CELSR2: variants seen among roughly 807,000 people sequenced by gnomAD.
The protein encoded by CELSR2 is cadherin EGF LAG seven-pass G-type receptor 2, also known as EGF-like protein 2.
A neutral mutation model predicts 251.6 loss-of-function variants in CELSR2; 81 were observed. The ratio of observed to expected loss-of-function variants is 0.32; its 90% CI spans 0.27 to 0.39. The LOEUF (loss-of-function observed/expected upper bound fraction) is 0.39. Ranked by LOEUF, CELSR2 falls within the 10% of genes least tolerant of loss-of-function variation. CELSR2 has a pLI of 1.00. For synonymous variants in CELSR2, 1,721 were observed against 1,670.5 expected (o/e 1.03, Z -0.74); for missense variants, 3,365 against 3,947.7 (o/e 0.85, Z 3.96).
Position 109,271,057 on chromosome 1 carries a change from G to T in CELSR2, c.7596+18G>T, listed in dbSNP as rs770153879. On this transcript the variant is annotated intron_variant, in intron 25 of 33. Transcript: ENST00000271332. ...CCGTCTCGGTGAGTGCTAGCAGGTG[G>T]GTTGGGTGTCACCTGTGGCCCTCCT... 3 of 1,595,836 alleles carry T rather than the reference G, an allele frequency of 1.9e-6. No individual in the cohort carries two copies. The highest frequency in any genetic ancestry group is 1.1e-5 in the South Asian group (1 of 90,694).
intron 17 of CELSR2, 67 bp from the exon 18 acceptor site, chr1:109,268,514 G>T (rs571952947): frequency 1.3e-6 from 2 of 1,522,080 alleles, no homozygotes; most frequent in East Asian, 4.7e-5. Flanking sequence ...GGCACAGGCC[G>T]GGGCTCCATG....
rs2101234032 is a variant in CELSR2, at chr1:109,252,743, C to G, written c.2664C>G (p.Val888=). 1 of 1,614,044 alleles carries G rather than the reference C, an allele frequency of 6.2e-7. No homozygotes were observed. The highest frequency in any genetic ancestry group is 8.5e-7 in the Non-Finnish European group (1 of 1,180,038). The change falls in exon 1 of 34, where the codon GTC becomes GTG. Residue 888 remains valine, a synonymous_variant. Transcript: ENST00000271332. The surrounding 1 kb of genome is among the most constrained non-coding windows in gnomAD (Gnocchi z 4.8). ...ATCGAGAGAACGTGGCCCAGTATGT[C>G]TTGCGGGCATATGCAGTGGACAAGG... ...RLDRENVAQY[V]LRAYAVDKGM... is the part of the protein sequence containing the mutation.
Position 109,269,434 on chromosome 1 carries a change from C to T in CELSR2, c.6823C>T (p.Arg2275Cys), listed in dbSNP as rs559629318. ...ACTGCCCCACATCAGAGTCCCCAAACGCCCGATCATCAACACACCCGTGGT... is the reference window on the plus strand; with the variant it reads ...ACTGCCCCACATCAGAGTCCCCAAATGCCCGATCATCAACACACCCGTGGT... ...PDKRSLRVPK[R>C]PIINTPVVSI... Residue 2275 changes from arginine (R) to cysteine (C), a missense_variant, in exon 21 of 34, where the codon CGC becomes TGC. By Grantham distance (180) the Arg-to-Cys change is radical. Transcript: ENST00000271332. The surrounding 1 kb of genome is among the most constrained non-coding windows in gnomAD (Gnocchi z 6.4). The T allele has an allele frequency of 5.0e-6, 8 of 1,613,776 alleles. No homozygotes were observed. The highest frequency in any genetic ancestry group is 4.0e-5 in the African/African-American group (3 of 75,022).
At position 109,268,730 on chromosome 1, in the gene CELSR2, C is replaced by T. The variant is rs772860335; in HGVS notation, c.6468C>T (p.Tyr2156=). ...SALAQNMRHT[Y]LSPFTIVTPN... ...TGGCCCAGAACATGCGGCACACCTA[C>T]CTAAGCCCCTTCACCATCGTCACGC... The change falls in exon 18 of 34, where the codon TAC becomes TAT. Residue 2156 remains tyrosine (Y), a synonymous_variant. Coordinates refer to ENST00000271332, the MANE Select transcript of CELSR2 (RefSeq NM_001408.3). 4 of 1,607,288 alleles carry T rather than the reference C, an allele frequency of 2.5e-6. No individual in the cohort carries two copies. In the African/African-American group the frequency reaches 5.3e-5, roughly 21 times the overall value.
At chr1:109,255,427 T>C (rs1201746723) in intron 1 of CELSR2, among the ~76,000 whole-genome samples, 2 of 152,190 alleles carry the variant, frequency 1.3e-5, no homozygotes, top group African/African-American at 4.8e-5. Context: ...TCCCTATGGC[T>C]GCAGCTGCCC....
chr1:109,260,127 C>T (rs1326763112), intron 2 of CELSR2, among the ~76,000 whole-genome samples: 1 of 59,226 alleles, frequency 1.7e-5, no homozygotes, highest in Non-Finnish European at 3.2e-5. Flanking sequence ...AGGGGAGGGA[C>T]GGGCTTGGGG....
At position 109,250,316 on chromosome 1, in the gene CELSR2, G is replaced by A. The variant is rs1655646436; in HGVS notation, c.237G>A (p.Leu79=). Residue 79 remains leucine (L), a synonymous_variant, in exon 1 of 34, where the codon CTG becomes CTA. Transcript: ENST00000271332. The surrounding 1 kb of genome is among the most constrained non-coding windows in gnomAD (Gnocchi z 4.4). The part of the protein sequence containing the change: ...TSRCRDAGTE[L]TGHLVPHHDG... The stretch of plus-strand genomic sequence containing the variant: ...GCTGCAGGGATGCGGGCACTGAGCT[G>A]ACTGGCCACCTGGTACCCCACCACG... The A allele has an allele frequency of 6.2e-7, 1 of 1,613,464 alleles. No individual in the cohort carries two copies. Among genetic ancestry groups the A allele is most frequent in the Non-Finnish European group, 8.5e-7 (1 of 1,180,024 alleles).
At chr1:109,254,418 G>A (rs1368321862) in intron 1 of CELSR2, among the ~76,000 whole-genome samples, 1 of 152,218 alleles carries the variant, frequency 6.6e-6, no homozygotes, top group Non-Finnish European at 1.5e-5. Context: ...AGGAGAGTTG[G>A]AGGGGGTTGG....
Position 109,267,944 on chromosome 1 carries a change from G to A in CELSR2, c.6202G>A (p.Gly2068Ser). The A allele has an allele frequency of 6.2e-7, 1 of 1,611,748 alleles. No individual in the cohort carries two copies. Among genetic ancestry groups the A allele is most frequent in the Non-Finnish European group, 8.5e-7 (1 of 1,179,802 alleles). ...GCGCAACGCCACGCAGCACACAGCT[G>A]GCTACTTCGGCAGCGACGTCAAGGT... ...LLRNATQHTA[G>S]YFGSDVKVAY... Residue 2068 changes from glycine (G) to serine (S), a missense_variant, in exon 17 of 34, where the codon GGC becomes AGC. Physicochemically the swap from Gly to Ser is moderately conservative, Grantham distance 56 (BLOSUM62 0). This residue lies in a region of CELSR2 where 2,093 missense variants were observed against 2,382.8 expected (regional missense o/e 0.88). Transcript: ENST00000271332.
In CELSR2 at chr1:109,272,888, C is replaced by G; in HGVS notation, c.8199C>G (p.Ser2733=). The change falls in exon 31 of 34, where the codon TCC becomes TCG. Residue 2733 remains serine, a synonymous_variant. Coordinates refer to ENST00000271332, the MANE Select transcript of CELSR2 (RefSeq NM_001408.3). ...DLSLEDDQSG[S]YASTHSSDSE... is the part of the protein sequence containing the mutation. ...CCTTAGAAGACGACCAGAGTGGCTC[C>G]TATGCCTCTACCCACTCATCAGACA... 6.2e-7 allele frequency: 1 copy of G among 1,614,040 alleles called. No homozygotes were observed. Among genetic ancestry groups the G allele is most frequent in the Non-Finnish European group, 8.5e-7 (1 of 1,179,974 alleles).
intron 1 of CELSR2, among the ~76,000 whole-genome samples, chr1:109,254,463 G>A (rs988759445): frequency 2.6e-5 from 4 of 152,164 alleles, no homozygotes; most frequent in Non-Finnish European, 5.9e-5. Context: ...CAGCTGTGGG[G>A]AGCCAGAGGT....
chr1:109,273,566 C>G lies in CELSR2; in HGVS notation c.8640C>G (p.Pro2880=). The part of the protein sequence containing the change: ...ASEGSRGGPP[P]RPPPRQSLQE... ...AGGGCAGCCGGGGAGGCCCCCCTCCCCGCCCACCGCCCCGGCAGAGCCTCC... is the reference window on the plus strand; with the variant it reads ...AGGGCAGCCGGGGAGGCCCCCCTCCGCGCCCACCGCCCCGGCAGAGCCTCC... The change falls in exon 33 of 34, where the codon CCC becomes CCG. Residue 2880 remains proline (P), a synonymous_variant. Coordinates refer to ENST00000271332, the MANE Select transcript of CELSR2 (RefSeq NM_001408.3). The G allele has an allele frequency of 6.4e-7, 1 of 1,566,164 alleles. No individual in the cohort carries two copies. Among genetic ancestry groups the G allele is most frequent in the Non-Finnish European group, 8.7e-7 (1 of 1,155,918 alleles).
intron 29 of CELSR2, 106 bp downstream of exon 29, chr1:109,272,511 G>C: frequency 1.3e-6 from 2 of 1,506,476 alleles, no homozygotes; most frequent in Non-Finnish European, 9.1e-7. Flanking sequence ...TGTGGCTGAC[G>C]TGGGGGCCAG....
Position 109,251,841 on chromosome 1 carries a change from C to T in CELSR2, c.1762C>T (p.Pro588Ser), listed in dbSNP as rs909321035. Residue 588 changes from proline (P) to serine (S), a missense_variant, in exon 1 of 34, where the codon CCA becomes TCA. Physicochemically the swap from Pro to Ser is moderately conservative, Grantham distance 74 (BLOSUM62 -1). This residue lies in a region of CELSR2 where 704 missense variants were observed against 784.1 expected (regional missense o/e 0.90). Coordinates refer to ENST00000271332, the MANE Select transcript of CELSR2 (RefSeq NM_001408.3). This position sits in a 1 kb window ranked among gnomAD's most constrained non-coding sequence, Gnocchi z 4.9. Reference sequence around the variant, plus strand: ...GGTAGAAGCTCGAGACCATGGCACTCCAGCACTCACTGCCTCGGCCAGTGT... The same window carrying T: ...GGTAGAAGCTCGAGACCATGGCACTTCAGCACTCACTGCCTCGGCCAGTGT... ...FGVEARDHGT[P>S]ALTASASVSV... 10 of 1,614,024 alleles carry T rather than the reference C, an allele frequency of 6.2e-6. No individual in the cohort carries two copies. Among genetic ancestry groups the T allele is most frequent in the East Asian group, 2.2e-5 (1 of 44,890 alleles).
At position 109,272,301 on chromosome 1, in the gene CELSR2, C is replaced by T. The variant is rs777874291; in HGVS notation, c.7950C>T (p.Tyr2650=). The change falls in exon 29 of 34, where the codon TAC becomes TAT. Residue 2650 remains tyrosine (Y), a synonymous_variant. Transcript: ENST00000271332. ...LTSSYNCPSP[Y]ADGRLYQPYG... ...AGTCCTACAACTGCCCCAGCCCCTA[C>T]GCAGATGGGCGGCTGTACCAGCCCT... 1.4e-5 allele frequency: 22 copies of T among 1,607,628 alleles called. No homozygotes were observed. The highest frequency in any genetic ancestry group is 1.6e-4 in the Middle Eastern group (1 of 6,072).
At chr1:109,263,474 C>T in intron 8 of CELSR2, 137 bp from the exon 9 acceptor site, 2 of 1,395,362 alleles carry the variant, frequency 1.4e-6, no homozygotes, top group Non-Finnish European at 2.0e-6. Context: ...GGTCCCAGGG[C>T]AGGTACGCAC....
chr1:109,270,317 C>G, intron 23 of CELSR2, 109 bp from the exon 24 acceptor site: 1 of 1,382,010 alleles, frequency 7.2e-7, no homozygotes, highest in Non-Finnish European at 1.0e-6. Flanking sequence ...GCCCAGGCTT[C>G]CCTGGAAGCA....
rs368744788 is a variant in CELSR2 at position 109,264,300 on chromosome 1, A to T, written c.5224A>T (p.Ile1742Leu). Residue 1742 changes from isoleucine to leucine, a missense_variant, in exon 10 of 34, where the codon ATA becomes TTA. Transcript: ENST00000271332. Reference sequence around the variant, plus strand: ...GCTGCATGGTCTGCACCTGAGCAACATAACAGTGGGCGGAATACCTGGGCC... The same window carrying T: ...GCTGCATGGTCTGCACCTGAGCAACTTAACAGTGGGCGGAATACCTGGGCC... The part of the protein sequence containing the change: ...PRLHGLHLSN[I>L]TVGGIPGPAG... 1.5e-5 allele frequency: 24 copies of T among 1,613,690 alleles called. No homozygotes were observed. The highest frequency in any genetic ancestry group is 2.0e-5 in the Non-Finnish European group (24 of 1,179,900).
Position 109,250,301 on chromosome 1 carries a change from T to G in CELSR2, c.222T>G (p.Asp74Glu), listed in dbSNP as rs199921829. The G allele has an allele frequency of 1.3e-4, 214 of 1,613,366 alleles. No individual in the cohort carries two copies. The highest frequency in any genetic ancestry group is 1.0e-3 in the Admixed American group (60 of 60,026). ...NLWLYTSRCR[D>E]AGTELTGHLV... ...GGCTCTACACCAGCCGCTGCAGGGATGCGGGCACTGAGCTGACTGGCCACC... is the reference window on the plus strand; with the variant it reads ...GGCTCTACACCAGCCGCTGCAGGGAGGCGGGCACTGAGCTGACTGGCCACC... Residue 74 changes from aspartate to glutamate, a missense_variant, in exon 1 of 34, where the codon GAT becomes GAG. This residue lies in a region of CELSR2 where 704 missense variants were observed against 784.1 expected (regional missense o/e 0.90). Coordinates refer to ENST00000271332, the MANE Select transcript of CELSR2 (RefSeq NM_001408.3). This position sits in a 1 kb window ranked among gnomAD's most constrained non-coding sequence, Gnocchi z 4.4.
Sources: allele counts gnomAD v4.1 joint callset (sites outside exome capture counted in the v4.1 genomes callset), GRCh38; gene constraint gnomAD v4.1.1; regional missense constraint gnomAD v4.1.1; non-coding constraint Gnocchi (gnomAD v3.1); transcripts MANE v1.5; gene names NCBI Gene and HGNC (gene_info 2026-07-23, HGNC 2026-07-21).